Variants in EPB41L4B observed in about 807,000 individuals in gnomAD.
The protein encoded by EPB41L4B is erythrocyte membrane protein band 4.1 like 4B, also known as band 4.1-like protein 4B.
A neutral mutation model predicts 112.5 loss-of-function variants in EPB41L4B; 30 were observed. The observed-to-expected ratio is 0.27, with a 90% confidence interval of 0.20 to 0.36. The LOEUF is 0.36. Ranked by LOEUF, EPB41L4B falls within the 10% of genes least tolerant of loss-of-function variation. The pLI is 1.00. For synonymous variants in EPB41L4B, 408 were observed against 439.7 expected, an observed-to-expected ratio of 0.93 and a Z score of 0.90; for missense variants, 1,024 against 1,133.3, an observed-to-expected ratio of 0.90 and a Z score of 1.38.
intron 11 of EPB41L4B, among the ~76,000 whole-genome samples, chr9:109,255,117 T>C (rs1425435436): frequency 1.3e-5 from 2 of 152,250 alleles, no homozygotes; most frequent in Non-Finnish European, 2.9e-5. Context: ...AAAATGATCC[T>C]GTGTCCTGTG....
At position 109,248,524 on chromosome 9, in the gene EPB41L4B, C is replaced by A. The variant is rs146852534; in HGVS notation, c.1311-735G>T. On this transcript the variant is annotated intron_variant, in intron 13 of 25. Transcript: ENST00000374566. ...AATCAACATCTGCAGAATCCTAAAG[C>A]CTGTCTTCTTTCTGCTAAACCAACT... is the stretch of plus-strand genomic sequence containing the variant. Among the ~76,000 whole-genome samples the A allele has an allele frequency of 3.8e-3, 578 of 152,292 alleles. 11 individuals carry two copies. The East Asian group carries it at 0.044, about 12-fold the overall frequency.
At chr9:109,187,432 G>T (rs563998558) in intron 22 of EPB41L4B, among the ~76,000 whole-genome samples, 1 of 139,024 alleles carries the variant, frequency 7.2e-6, no homozygotes, top group African/African-American at 2.5e-5. Context: ...TTAGTCCATG[G>T]TTCATTTTGT....
At chr9:109,282,391 G>A (rs1375336680) in intron 1 of EPB41L4B, among the ~76,000 whole-genome samples, 2 of 152,208 alleles carry the variant, frequency 1.3e-5, no homozygotes, top group Non-Finnish European at 2.9e-5. Flanking sequence ...TAGGCAAACT[G>A]TATGACACGT....
intron 15 of EPB41L4B, among the ~76,000 whole-genome samples, chr9:109,229,435 T>A (rs928290993): frequency 2.6e-5 from 4 of 152,206 alleles, no homozygotes; most frequent in Admixed American, 2.6e-4. Context: ...CAAAGTCGCA[T>A]ACATCTCGTC....
rs954650555 is a variant in EPB41L4B, at chr9:109,268,374, A to C, written c.454+17T>G. 1 of 1,610,028 alleles carries C rather than the reference A, an allele frequency of 6.2e-7. No homozygotes were observed. Among genetic ancestry groups the C allele is most frequent in the Admixed American group, 1.7e-5 (1 of 59,434 alleles). ...CAGAAAAAAAATAAATGAGTGAGCT[A>C]AATTCTGCTTACTTACTTTTCATCT... On this transcript the variant is annotated intron_variant, in intron 3 of 25. Coordinates refer to ENST00000374566, the MANE Select transcript of EPB41L4B (RefSeq NM_019114.5).
In EPB41L4B at chr9:109,320,036, C is replaced by G. The variant is rs879136425; in HGVS notation, c.306+105G>C. ...GGAGAAGAGGATGGGGGAGGGGATCCCCAGGGAGGTGCAAGGGAAGCGCCC... is the reference window on the plus strand; with the variant it reads ...GGAGAAGAGGATGGGGGAGGGGATCGCCAGGGAGGTGCAAGGGAAGCGCCC... On this transcript the variant is annotated intron_variant, in intron 1 of 25. Transcript: ENST00000374566. The G allele has an allele frequency of 1.2e-4, 108 of 929,734 alleles. 1 individual carries two copies. In the South Asian group the frequency reaches 3.4e-3, roughly 29 times the overall value. 57.6% of individuals were successfully genotyped at this position (929,734 alleles called of 1,614,324 possible). A position where few individuals can be genotyped will look rare whatever the true frequency, so the allele number is the denominator to read the frequency against.
At chr9:109,183,167 G>A (rs1015499489) in intron 23 of EPB41L4B, among the ~76,000 whole-genome samples, 1 of 152,172 alleles carries the variant, frequency 6.6e-6, no homozygotes, top group Admixed American at 6.5e-5. Context: ...TGCCTGAGGT[G>A]GCTTCTGATG....
chr9:109,176,606 C>T lies in EPB41L4B; in HGVS notation c.2578G>A (p.Val860Ile), dbSNP rs368177192. ...GTGTAAATGGTCTGCACTGTGGAGACGGTCTCTGTCAAAGGCCTCAGGGTC... is the reference window on the plus strand; with the variant it reads ...GTGTAAATGGTCTGCACTGTGGAGATGGTCTCTGTCAAAGGCCTCAGGGTC... The part of the protein sequence containing the change: ...AATLRPLTET[V>I]STVQTIYTTR... The change falls in exon 25 of 26, where the codon GTC (valine) becomes ATC (isoleucine). Residue 860 changes from valine (V) to isoleucine (I), a missense_variant. Val to Ile is a conservative substitution (Grantham distance 29, BLOSUM62 3). Coordinates refer to ENST00000374566, the MANE Select transcript of EPB41L4B (RefSeq NM_019114.5). The T allele has an allele frequency of 1.7e-5, 27 of 1,613,922 alleles. No individual in the cohort carries two copies. The highest frequency in any genetic ancestry group is 5.3e-5 in the African/African-American group (4 of 74,906).
chr9:109,290,288 G>T (rs1482942956), intron 1 of EPB41L4B, among the ~76,000 whole-genome samples: 1 of 151,808 alleles, frequency 6.6e-6, no homozygotes, highest in Non-Finnish European at 1.5e-5. Context: ...TGCGCCCTGT[G>T]GTGTTCTACA....
intron 20 of EPB41L4B, among the ~76,000 whole-genome samples, chr9:109,195,368 T>C (rs1832606067): frequency 6.6e-6 from 1 of 152,166 alleles, no homozygotes; most frequent in African/African-American, 2.4e-5. Flanking sequence ...GCAGTGCGGA[T>C]GGGATTGACT....
intron 18 of EPB41L4B, 70 bp downstream of exon 18, chr9:109,207,854 C>T: frequency 1.3e-6 from 2 of 1,595,472 alleles, no homozygotes; most frequent in Non-Finnish European, 8.6e-7. Context: ...CCTACGGTGC[C>T]TCTTTCTTCT....
rs553576609 is a variant in EPB41L4B at position 109,249,677 on chromosome 9, A to T, written c.1310+1804T>A. ...CAAGCCCCAGAGAATTAAAAGCAAG[A>T]CACCCCGACAAGCTAAGAAAGGTAC... On this transcript the variant is annotated intron_variant, in intron 13 of 25. Coordinates refer to ENST00000374566, the MANE Select transcript of EPB41L4B (RefSeq NM_019114.5). 5.9e-5 allele frequency among the ~76,000 whole-genome samples: 9 copies of T among 152,260 alleles called. No individual in the cohort carries two copies. In the Middle Eastern group the frequency reaches 0.01, roughly 173 times the overall value.
intron 1 of EPB41L4B, among the ~76,000 whole-genome samples, chr9:109,305,284 A>G (rs1157923707): frequency 6.6e-6 from 1 of 152,162 alleles, no homozygotes; most frequent in Non-Finnish European, 1.5e-5. Flanking sequence ...ACAGGCCCTG[A>G]AAGATGGCTA....
At chr9:109,248,730 C>T (rs909901112) in intron 13 of EPB41L4B, among the ~76,000 whole-genome samples, 1 of 152,066 alleles carries the variant, frequency 6.6e-6, no homozygotes, top group African/African-American at 2.4e-5. Flanking sequence ...TAGGCATGAG[C>T]CACTGTGCTT....
At chr9:109,313,948 C>T (rs1837523454) in intron 1 of EPB41L4B, among the ~76,000 whole-genome samples, 1 of 152,214 alleles carries the variant, frequency 6.6e-6, no homozygotes, top group Admixed American at 6.5e-5. Flanking sequence ...TTTAATGAAA[C>T]TGTAGATGTT....
At chr9:109,268,272 C>T (rs1046870864) in intron 3 of EPB41L4B, 119 bp downstream of exon 3, 70 of 900,846 alleles carry the variant, frequency 7.8e-5, no homozygotes, top group Non-Finnish European at 1.1e-4. Flanking sequence ...CCACTTAATA[C>T]CGAATTGATT....
intron 1 of EPB41L4B, among the ~76,000 whole-genome samples, chr9:109,318,430 T>C (rs553577145): frequency 2.0e-5 from 3 of 152,174 alleles, no homozygotes; most frequent in Non-Finnish European, 4.4e-5. Context: ...CTATTCACCA[T>C]GCACACCACT....
At chr9:109,316,196 T>A (rs1837627225) in intron 1 of EPB41L4B, among the ~76,000 whole-genome samples, 1 of 152,178 alleles carries the variant, frequency 6.6e-6, no homozygotes, top group African/African-American at 2.4e-5. Flanking sequence ...AAATCCTCCA[T>A]GTTTACACTG....
chr9:109,241,676 T>G, intron 15 of EPB41L4B: 1 of 1,614,146 alleles, frequency 6.2e-7, no homozygotes, highest in East Asian at 2.2e-5. Context: ...AGTGCAGTCA[T>G]GAGTTTATCT....
Sources: gnomAD v4.1 joint callset for allele counts (sites outside exome capture counted in the v4.1 genomes callset) on GRCh38, gnomAD v4.1.1 for gene constraint, MANE v1.5 for transcripts, NCBI Gene and HGNC (gene_info 2026-07-23, HGNC 2026-07-21) for gene names.